The following LPP variants were observed in gnomAD, a reference collection of about 807,000 sequenced individuals.
LPP encodes lipoma-preferred partner.
Under a neutral mutation model 60.4 loss-of-function variants are expected in LPP, and 38 were observed. The ratio of observed to expected loss-of-function variants is 0.63; its 90% CI spans 0.49 to 0.83. The LOEUF is 0.83. Among genes scored for constraint, LPP ranks in the 40% least tolerant of loss-of-function variants. The pLI is 0.00. For synonymous variants in LPP, 328 were observed against 290.8 expected, an observed-to-expected ratio of 1.13 and a Z score of -1.30; for missense variants, 902 against 783.6, an observed-to-expected ratio of 1.15 and a Z score of -1.80.
intron 7 of LPP, among the ~76,000 whole-genome samples, chr3:188,688,465 GA>G (rs2149443212): frequency 6.6e-6 from 1 of 152,278 alleles, no homozygotes; most frequent in African/African-American, 2.4e-5. Context: ...CCCATTCAAT[GA>G]ACATTTGTTG....
At chr3:188,713,610 G>A (rs1392846967) in intron 8 of LPP, among the ~76,000 whole-genome samples, 2 of 152,080 alleles carry the variant, frequency 1.3e-5, no homozygotes, top group Non-Finnish European at 2.9e-5. Flanking sequence ...CAGAAATAGA[G>A]AGAGAGAGAC....
intron 5 of LPP, among the ~76,000 whole-genome samples, chr3:188,498,372 C>T (rs1443726593): frequency 6.6e-6 from 1 of 152,108 alleles, no homozygotes; most frequent in Non-Finnish European, 1.5e-5. Context: ...TCAGCCAGCC[C>T]CTGAAACCAC....
chr3:188,734,952 C>T (rs978601052), intron 8 of LPP, among the ~76,000 whole-genome samples: 16 of 152,210 alleles, frequency 1.1e-4, no homozygotes, highest in Non-Finnish European at 2.4e-4. Flanking sequence ...ATAATCTACA[C>T]GTGAACCCAG....
intron 7 of LPP, among the ~76,000 whole-genome samples, chr3:188,619,768 C>A (rs1845486707): frequency 6.6e-6 from 1 of 152,034 alleles, no homozygotes; most frequent in South Asian, 2.1e-4. Flanking sequence ...CTTGAACATC[C>A]CTGAACTATT....
chr3:188,708,701 T>C, intron 8 of LPP: 1 of 443,760 alleles, frequency 2.3e-6, no homozygotes, highest in Non-Finnish European at 4.0e-6. Context: ...CCATTAAAAA[T>C]ACAAAAATTA....
intron 6 of LPP, among the ~76,000 whole-genome samples, chr3:188,543,020 G>A (rs1825632252): frequency 6.6e-6 from 1 of 152,064 alleles, no homozygotes; most frequent in Non-Finnish European, 1.5e-5. Context: ...TTCTTTTCAT[G>A]CCTCAGGTCT....
At chr3:188,399,679 A>C (rs1781784205) in intron 3 of LPP, among the ~76,000 whole-genome samples, 1 of 152,244 alleles carries the variant, frequency 6.6e-6, no homozygotes, top group Non-Finnish European at 1.5e-5. Context: ...CCCTTGAATC[A>C]GAGTATATAC....
chr3:188,164,095 G>C (rs961840386), intron 1 of LPP, among the ~76,000 whole-genome samples: 1 of 152,170 alleles, frequency 6.6e-6, no homozygotes, highest in Admixed American at 6.5e-5. Flanking sequence ...TAATATAAGA[G>C]AGTGCCGTGG....
intron 4 of LPP, among the ~76,000 whole-genome samples, chr3:188,412,009 A>T (rs1260434361): frequency 6.7e-6 from 1 of 149,190 alleles, no homozygotes; most frequent in East Asian, 2.0e-4. Flanking sequence ...AATTTGGCTG[A>T]ATGAAATTTG....
chr3:188,855,373 G>A (rs1381579092), intron 9 of LPP, among the ~76,000 whole-genome samples: 1 of 152,202 alleles, frequency 6.6e-6, no homozygotes, highest in Non-Finnish European at 1.5e-5. Flanking sequence ...AGTGTAAGAT[G>A]AACAATAAGC....
At chr3:188,541,168 C>T (rs1323690794) in intron 6 of LPP, among the ~76,000 whole-genome samples, 1 of 152,166 alleles carries the variant, frequency 6.6e-6, no homozygotes, top group African/African-American at 2.4e-5. Flanking sequence ...TTCACCTACC[C>T]AGACGCTAAA....
At chr3:188,450,681 G>T (rs1414200270) in intron 4 of LPP, among the ~76,000 whole-genome samples, 2 of 151,842 alleles carry the variant, frequency 1.3e-5, no homozygotes, top group Admixed American at 1.3e-4. Flanking sequence ...GGAAGCAGAG[G>T]TTGCAGTGAG....
At chr3:188,757,895 T>TG (rs1223654989) in intron 8 of LPP, among the ~76,000 whole-genome samples, 31,298 of 144,106 alleles carry the variant, frequency 0.22, 4,169 homozygotes, top group South Asian at 0.39. Flanking sequence ...TTTGGTTTTT[T>TG]TTTTTTTTTT....
chr3:188,319,028 G>T (rs563317428), intron 2 of LPP, among the ~76,000 whole-genome samples: 1 of 152,094 alleles, frequency 6.6e-6, no homozygotes, highest in Non-Finnish European at 1.5e-5. Flanking sequence ...AAAGTGCTGG[G>T]ATTACAGGCG....
chr3:188,519,956 T>C (rs1818415151), intron 5 of LPP, among the ~76,000 whole-genome samples: 1 of 152,204 alleles, frequency 6.6e-6, no homozygotes. Context: ...GCCTGAAATA[T>C]GACCCATTCA....
chr3:188,245,360 C>G (rs562408303), intron 2 of LPP, among the ~76,000 whole-genome samples: 2 of 152,168 alleles, frequency 1.3e-5, no homozygotes, highest in Non-Finnish European at 2.9e-5. Context: ...ATCTGCCTGC[C>G]TCGGCCTCCC....
chr3:188,874,555 T>G lies in LPP; in HGVS notation c.*76T>G. 2 of 1,506,826 alleles carry G rather than the reference T, an allele frequency of 1.3e-6. No individual in the cohort carries two copies. Among genetic ancestry groups the G allele is most frequent in the Non-Finnish European group, 1.8e-6 (2 of 1,100,008 alleles). The allele number at this position is 1,506,826 out of a possible 1,614,324, so 93.3% of individuals were successfully genotyped here. On this transcript the variant is annotated 3_prime_UTR_variant, in exon 12 of 12. Coordinates refer to ENST00000617246, the MANE Select transcript of LPP (RefSeq NM_001375462.1). ...ATAAGAAATACTAGAGTAAAGGCCA[T>G]CAAACTACGCGATAGTCTCTGTTCT...
intron 4 of LPP, among the ~76,000 whole-genome samples, chr3:188,429,048 A>T (rs1578827126): frequency 6.6e-6 from 1 of 152,150 alleles, no homozygotes; most frequent in Non-Finnish European, 1.5e-5. Context: ...TAAAATAAGT[A>T]CTTTCTATAG....
At chr3:188,256,679 T>G (rs950920441) in intron 2 of LPP, among the ~76,000 whole-genome samples, 13 of 152,200 alleles carry the variant, frequency 8.5e-5, no homozygotes, top group Non-Finnish European at 8.8e-5. Flanking sequence ...ATAAATGATT[T>G]TTAACACAGA....
Sources: allele counts gnomAD v4.1 joint callset (sites outside exome capture counted in the v4.1 genomes callset), GRCh38; gene constraint gnomAD v4.1.1; transcripts MANE v1.5; gene names NCBI Gene and HGNC (gene_info 2026-07-23, HGNC 2026-07-21).